ACAD11: variants seen among roughly 807,000 people sequenced by gnomAD.
ACAD11 encodes acyl-Coenzyme A dehydrogenase family, member 11.
ACAD11 carries 83 observed loss-of-function variants against 102.2 expected under a neutral mutation model. That is an observed-to-expected ratio of 0.81 (90% CI 0.68 to 0.97). ACAD11 has a LOEUF of 0.97. ACAD11 is among the 50% of genes least tolerant of loss of function. The pLI is 0.00. For missense variants in ACAD11, 901 were observed against 951.7 expected, an observed-to-expected ratio of 0.95 and a Z score of 0.70; for synonymous variants, 324 against 319.8, an observed-to-expected ratio of 1.01 and a Z score of -0.14.
intron 5 of ACAD11, among the ~76,000 whole-genome samples, 167 bp from the exon 6 acceptor site, chr3:132,631,646 G>C (rs1940045876): frequency 6.6e-6 from 1 of 152,176 alleles, no homozygotes; most frequent in Non-Finnish European, 1.5e-5. Context: ...AATTAGCCTT[G>C]ATTATATAGA....
chr3:132,591,325 C>A (rs1344968044), intron 13 of ACAD11, among the ~76,000 whole-genome samples: 1 of 152,080 alleles, frequency 6.6e-6, no homozygotes, highest in Non-Finnish European at 1.5e-5. Flanking sequence ...AGGTGAGCAG[C>A]CTTATTTCTG....
intron 17 of ACAD11, among the ~76,000 whole-genome samples, chr3:132,571,912 A>T (rs1937393032): frequency 6.6e-6 from 1 of 152,186 alleles, no homozygotes; most frequent in Non-Finnish European, 1.5e-5. Context: ...CGAGGAACAT[A>T]CCTCAAAATA....
intron 9 of ACAD11, among the ~76,000 whole-genome samples, chr3:132,623,798 T>C (rs1302660382): frequency 1.3e-5 from 2 of 152,242 alleles, no homozygotes; most frequent in Non-Finnish European, 2.9e-5. Flanking sequence ...TTCTCTTATA[T>C]GCTTATTCAC....
intron 8 of ACAD11, 27 bp downstream of exon 8, chr3:132,628,313 G>C: frequency 3.2e-6 from 5 of 1,549,958 alleles, no homozygotes; most frequent in Non-Finnish European, 4.4e-6. Flanking sequence ...TCTAATTTGA[G>C]TTAGCCAAGG....
intron 4 of ACAD11, among the ~76,000 whole-genome samples, chr3:132,641,749 A>G (rs906330414): frequency 3.9e-5 from 6 of 152,106 alleles, no homozygotes; most frequent in African/African-American, 1.2e-4. Flanking sequence ...TATAGTTAAA[A>G]GTATTGGAAA....
In ACAD11 at chr3:132,559,072, G is replaced by A. The variant is rs753836523; in HGVS notation, c.2242C>T (p.Arg748Ter). The change falls in exon 20 of 20, where the codon CGA (arginine) becomes TGA (stop). Residue 748 changes from arginine (R) to a stop codon, truncating the protein, a stop_gained. Transcript: ENST00000264990. LOFTEE classifies it high-confidence loss of function. ...GGTCCATCTGCTAAACGCAAAACTC[G>A]GGTTATAGCATACCTGAAAAAGCAA... ...YPLANMYAIT[R>*]VLRLADGPDE... 21 of 1,612,842 alleles carry A rather than the reference G, an allele frequency of 1.3e-5. No homozygotes were observed. Among genetic ancestry groups the A allele is most frequent in the Admixed American group, 6.7e-5 (4 of 59,940 alleles).
chr3:132,580,211 C>T (rs1468031664), intron 13 of ACAD11, among the ~76,000 whole-genome samples: 1 of 151,834 alleles, frequency 6.6e-6, no homozygotes, highest in African/African-American at 2.4e-5. Flanking sequence ...ATTCTTTTTT[C>T]TGATTTATTA....
At chr3:132,567,875 CAAAG>C (rs1370057321) in intron 17 of ACAD11, among the ~76,000 whole-genome samples, 2 of 152,008 alleles carry the variant, frequency 1.3e-5, no homozygotes, top group South Asian at 2.1e-4. Context: ...TGCAATAAGA[CAAAG>C]GAAGGAGACA....
intron 13 of ACAD11, among the ~76,000 whole-genome samples, chr3:132,593,334 A>G (rs1291721550): frequency 6.6e-6 from 1 of 152,196 alleles, no homozygotes; most frequent in Non-Finnish European, 1.5e-5. Context: ...CAATTGCAAA[A>G]AGAGGAAATA....
At chr3:132,588,196 T>TGTAG (rs1937926706) in intron 13 of ACAD11, among the ~76,000 whole-genome samples, 1 of 142,692 alleles carries the variant, frequency 7.0e-6, no homozygotes, top group Non-Finnish European at 1.6e-5. Context: ...CAGGCAGGTA[T>TGTAG]GTATGTATGT....
At chr3:132,641,851 C>A in intron 4 of ACAD11, 121 bp downstream of exon 4, 1 of 858,070 alleles carries the variant, frequency 1.2e-6, no homozygotes, top group South Asian at 2.7e-5. Flanking sequence ...TTCTGAAGGA[C>A]AATGTTAAAA....
intron 5 of ACAD11, 37 bp downstream of exon 5, chr3:132,639,455 G>T: frequency 6.3e-7 from 1 of 1,593,934 alleles, no homozygotes; most frequent in Non-Finnish European, 8.6e-7. Context: ...TCACAAAACA[G>T]ACCTACTCAA....
At position 132,586,257 on chromosome 3, in the gene ACAD11, C is replaced by T. The variant is rs149469572; in HGVS notation, c.1622-6699G>A. ...ATCGCAAGGACAAAAAAGCAAACAC[C>T]GCATGTTCTCACTCATAGGTGGGAA... On this transcript the variant is annotated intron_variant, in intron 13 of 19. Coordinates refer to ENST00000264990, the MANE Select transcript of ACAD11 (RefSeq NM_032169.5). Among the ~76,000 whole-genome samples, 446 of 152,122 alleles carry T rather than the reference C, an allele frequency of 2.9e-3. 4 individuals carry two copies. The highest frequency in any genetic ancestry group is 9.8e-3 in the African/African-American group (405 of 41,486).
At chr3:132,606,508 A>C (rs560957817) in intron 11 of ACAD11, among the ~76,000 whole-genome samples, 2 of 152,336 alleles carry the variant, frequency 1.3e-5, no homozygotes, top group South Asian at 4.1e-4. Flanking sequence ...CAGGTTGGAA[A>C]AAAAAACTTG....
chr3:132,637,619 A>G (rs1940320794), intron 5 of ACAD11, among the ~76,000 whole-genome samples: 1 of 152,214 alleles, frequency 6.6e-6, no homozygotes, highest in Non-Finnish European at 1.5e-5. Context: ...CCAAGATCTT[A>G]AACATTTCTC....
At position 132,642,103 on chromosome 3, in the gene ACAD11, C is replaced by T; in HGVS notation, c.406G>A (p.Gly136Arg). 3 of 1,613,846 alleles carry T rather than the reference C, an allele frequency of 1.9e-6. No homozygotes were observed. Among genetic ancestry groups the T allele is most frequent in the Non-Finnish European group, 2.5e-6 (3 of 1,179,882 alleles). ...GRIFRDLTIPGLSPAERSAIY... is the reference protein window; with the variant it reads ...GRIFRDLTIPRLSPAERSAIY... ...GCTGAACGTTCTGCTGGGCTAAGTC[C>T]AGGAATTGTTAAATCACGGAAGATT... The change falls in exon 4 of 20, where the codon GGA (glycine) becomes AGA (arginine). Residue 136 changes from glycine to arginine, a missense_variant. By Grantham distance (125) the Gly-to-Arg change is moderately radical (BLOSUM62 -2). Coordinates refer to ENST00000264990, the MANE Select transcript of ACAD11 (RefSeq NM_032169.5).
rs968474175 is a variant in ACAD11 at position 132,559,931 on chromosome 3, G to A, written c.2130C>T (p.Ile710=). 2 of 1,612,162 alleles carry A rather than the reference G, an allele frequency of 1.2e-6. No individual in the cohort carries two copies. Among genetic ancestry groups the A allele is most frequent in the Non-Finnish European group, 1.7e-6 (2 of 1,178,750 alleles). ...SAGAKKEIAM[I]KVAAPRAVSK... is the part of the protein sequence containing the mutation. The stretch of plus-strand genomic sequence containing the variant: ...TGACAGCCCGTGGGGCAGCCACTTT[G>A]ATCATTGCAATCTATATAAGCAAAA... The change falls in exon 19 of 20, where the codon ATC becomes ATT. Residue 710 remains isoleucine (I), a synonymous_variant. Transcript: ENST00000264990.
chr3:132,596,529 C>T lies in ACAD11; in HGVS notation c.1621+6700G>A, dbSNP rs376711285. Reference sequence around the variant, plus strand: ...CTTGCATGAAAAAATAGATAACTGCCATGCAAATTTGAGGAAAGCCAAGTT... The same window carrying T: ...CTTGCATGAAAAAATAGATAACTGCTATGCAAATTTGAGGAAAGCCAAGTT... On this transcript the variant is annotated intron_variant, in intron 13 of 19. Coordinates refer to ENST00000264990, the MANE Select transcript of ACAD11 (RefSeq NM_032169.5). Among the ~76,000 whole-genome samples the T allele has an allele frequency of 1.7e-4, 26 of 152,210 alleles. No individual in the cohort carries two copies. In the South Asian group the frequency reaches 5.4e-3, roughly 32 times the overall value.
At chr3:132,578,685 AG>A (rs1937556825) in intron 15 of ACAD11, 110 bp downstream of exon 15, 1 of 1,215,374 alleles carries the variant, frequency 8.2e-7, no homozygotes, top group South Asian at 1.4e-5. Context: ...TCACAGACAA[AG>A]GAATATCTAA....
Sources: allele counts gnomAD v4.1 joint callset (sites outside exome capture counted in the v4.1 genomes callset), GRCh38; gene constraint gnomAD v4.1.1; transcripts MANE v1.5; gene names NCBI Gene and HGNC (gene_info 2026-07-23, HGNC 2026-07-21).